DENND2B: variants seen among roughly 807,000 people sequenced by gnomAD.
DENND2B encodes the protein DENN domain-containing protein 2B.
DENND2B carries 32 observed loss-of-function variants against 116.0 expected under a neutral mutation model. That is an observed-to-expected ratio of 0.28 (90% CI 0.21 to 0.37). The LOEUF (loss-of-function observed/expected upper bound fraction) is 0.37, where lower values mean the gene tolerates loss of function less well. Ranked by LOEUF, DENND2B falls within the 10% of genes least tolerant of loss-of-function variation. DENND2B has a pLI of 1.00. For missense variants in DENND2B, 1,276 were observed against 1,477.7 expected (o/e 0.86, Z 2.24); for synonymous variants, 588 against 583.9 (o/e 1.01, Z -0.10).
rs141448856 is a variant in DENND2B at position 8,730,943 on chromosome 11, T to C, written c.347A>G (p.Glu116Gly). ...ATCCTGGGCTGCGCCTTGGACACTT[T>C]CCTTTTGGGCGTCTCTCTTGCACGC... The part of the protein sequence containing the change: ...PSACKRDAQK[E>G]SVQGAAQDVA... Residue 116 changes from glutamate (E) to glycine (G), a missense_variant, in exon 3 of 20, where the codon GAA becomes GGA. Coordinates refer to ENST00000313726, the MANE Select transcript of DENND2B (RefSeq NM_213618.2). The surrounding 1 kb of genome is among the most constrained non-coding windows in gnomAD (Gnocchi z 4.1). 5 of 1,614,064 alleles carry C rather than the reference T, an allele frequency of 3.1e-6. No individual in the cohort carries two copies. The African/African-American group carries it at 6.7e-5, about 22-fold the overall frequency.
At chr11:8,784,192 G>T (rs2058668143) in intron 1 of DENND2B, 1 of 147,080 alleles carries the variant, frequency 6.8e-6, no homozygotes, top group Non-Finnish European at 1.5e-5. Flanking sequence ...CCTCAGGATT[G>T]AACTATGATA....
chr11:8,695,207 G>C (rs1043270771), intron 19 of DENND2B, among the ~76,000 whole-genome samples: 4 of 152,178 alleles, frequency 2.6e-5, no homozygotes, highest in Non-Finnish European at 5.9e-5. Context: ...GAAGGGACTT[G>C]AGCATCTGTG....
At chr11:8,773,837 CTCTG>C (rs2057278105) in intron 1 of DENND2B, among the ~76,000 whole-genome samples, 2 of 152,090 alleles carry the variant, frequency 1.3e-5, no homozygotes, top group Non-Finnish European at 2.9e-5. Flanking sequence ...TATGGGAACT[CTCTG>C]TCTCTCTGTA....
chr11:8,706,003 G>A (rs1386870327), intron 13 of DENND2B, among the ~76,000 whole-genome samples: 3 of 152,302 alleles, frequency 2.0e-5, no homozygotes, highest in Non-Finnish European at 4.4e-5. Context: ...CCTACAGTTT[G>A]GGAGGGGGAG....
chr11:8,838,665 G>C (rs367552915), intron 4 of DENND2B, among the ~76,000 whole-genome samples: 15 of 152,196 alleles, frequency 9.9e-5, no homozygotes, highest in African/African-American at 3.6e-4. Context: ...GAGGAAAAAT[G>C]CAATCCTAAA....
chr11:8,789,831 T>G (rs2059227155), intron 1 of DENND2B, among the ~76,000 whole-genome samples: 1 of 152,176 alleles, frequency 6.6e-6, no homozygotes, highest in African/African-American at 2.4e-5. Context: ...GGCACATGCC[T>G]GTAGTCCCAG....
upstream of DENND2B, among the ~76,000 whole-genome samples, chr11:8,872,495 A>AG (rs1234939927): frequency 7.3e-5 from 11 of 151,394 alleles, no homozygotes; most frequent in Non-Finnish European, 1.5e-4. Flanking sequence ...TAAAAAAAAA[A>AG]AAAAAAAGAA....
At chr11:8,847,223 A>G (rs1374764528) in intron 3 of DENND2B, among the ~76,000 whole-genome samples, 1 of 152,200 alleles carries the variant, frequency 6.6e-6, no homozygotes, top group African/African-American at 2.4e-5. Flanking sequence ...TCTAGTGGAG[A>G]GCATTCTCCC....
At chr11:8,873,863 A>G (rs540709082), upstream of DENND2B, among the ~76,000 whole-genome samples, 1 of 152,340 alleles carries the variant, frequency 6.6e-6, no homozygotes, top group South Asian at 2.1e-4. Flanking sequence ...TGAAATCGCC[A>G]TGGAAGGATA....
At chr11:8,819,172 A>T (rs1164293289) in intron 4 of DENND2B, among the ~76,000 whole-genome samples, 1 of 152,112 alleles carries the variant, frequency 6.6e-6, no homozygotes, top group Non-Finnish European at 1.5e-5. Flanking sequence ...AGACAGGAAG[A>T]TCGCTTGAGC....
At chr11:8,838,330 G>A (rs569881207) in intron 4 of DENND2B, among the ~76,000 whole-genome samples, 2 of 152,192 alleles carry the variant, frequency 1.3e-5, no homozygotes, top group East Asian at 3.9e-4. Context: ...ATACAAATGT[G>A]CCTTGCGCAA....
rs112292066 is a variant in DENND2B at position 8,784,837 on chromosome 11, CAAA to C, written c.-26+25677_-26+25679del. Among the ~76,000 whole-genome samples the C allele has an allele frequency of 6.4e-4, 82 of 128,582 alleles. 1 individual carries two copies. Among genetic ancestry groups the C allele is most frequent in the African/African-American group, 2.1e-3 (80 of 37,950 alleles). 84.4% of individuals were successfully genotyped at this position (128,582 alleles called of 152,430 possible). A position where few individuals can be genotyped will look rare whatever the true frequency, so the allele number is the denominator to read the frequency against. ...TGGGTGACAAAGTAAGACTCCTTCT[CAAA>C]AAAAAAAAAAGAAAAGAAACAGAGT... On this transcript the variant is annotated intron_variant, in intron 1 of 19. Coordinates refer to ENST00000313726, the MANE Select transcript of DENND2B (RefSeq NM_213618.2).
chr11:8,715,492 C>A lies in DENND2B; in HGVS notation c.1845+111G>T, dbSNP rs555076818. On this transcript the variant is annotated intron_variant, in intron 6 of 19. Coordinates refer to ENST00000313726, the MANE Select transcript of DENND2B (RefSeq NM_213618.2). ...GACCCAGAATTTATTCAAAGGGAATCGAGGAAGCAGTCCAGATTAGGGAAG... is the reference window on the plus strand; with the variant it reads ...GACCCAGAATTTATTCAAAGGGAATAGAGGAAGCAGTCCAGATTAGGGAAG... 444 of 1,082,216 alleles carry A rather than the reference C, an allele frequency of 4.1e-4. 1 individual carries two copies. Among genetic ancestry groups the A allele is most frequent in the Non-Finnish European group, 5.6e-4 (419 of 742,448 alleles). The allele number at this position is 1,082,216 out of a possible 1,614,324, so 67.0% of individuals were successfully genotyped here.
At chr11:8,858,116 G>C (rs2742548) in intron 2 of DENND2B, among the ~76,000 whole-genome samples, 138,663 of 152,244 alleles carry the variant, frequency 0.91, 64,531 homozygotes, top group East Asian at 1. Context: ...TAGGACCCAG[G>C]CTGTAGTTAT....
chr11:8,765,933 G>C (rs564267647), intron 1 of DENND2B, among the ~76,000 whole-genome samples: 2 of 152,202 alleles, frequency 1.3e-5, no homozygotes, highest in African/African-American at 4.8e-5. Context: ...CAGCTACTAG[G>C]GAGGCTGAGG....
At chr11:8,808,280 G>A (rs1206160565) in intron 1 of DENND2B, 3 of 152,292 alleles carry the variant, frequency 2.0e-5, no homozygotes, top group Admixed American at 2.0e-4. Context: ...CCAGCAGGAT[G>A]AGGGAACCAG....
At chr11:8,740,822 C>T (rs2050064513) in intron 2 of DENND2B, among the ~76,000 whole-genome samples, 1 of 152,236 alleles carries the variant, frequency 6.6e-6, no homozygotes, top group Non-Finnish European at 1.5e-5. Context: ...CCTCCTGCCA[C>T]TCAGTGACTG....
chr11:8,818,913 T>C (rs2061668730), intron 4 of DENND2B, among the ~76,000 whole-genome samples: 1 of 152,212 alleles, frequency 6.6e-6, no homozygotes, highest in African/African-American at 2.4e-5. Context: ...AGATGGGGTG[T>C]GTATACAAGA....
In DENND2B at chr11:8,771,569, C is replaced by T. The variant is rs867923539; in HGVS notation, c.-25-20844G>A. 4.9e-3 allele frequency: 227 copies of T among 46,246 alleles called. 2 individuals carry two copies. The highest frequency in any genetic ancestry group is 0.029 in the African/African-American group (224 of 7,726). 2.9% of individuals were successfully genotyped at this position (46,246 alleles called of 1,614,324 possible). ...AGAGAGAGAGAGAGAGAGAGAGAGC[C>T]TTCTTCCCAGTTCTGGGCACAGCTT... On this transcript the variant is annotated intron_variant, in intron 1 of 19. Coordinates refer to ENST00000313726, the MANE Select transcript of DENND2B (RefSeq NM_213618.2).
Sources: allele counts gnomAD v4.1 joint callset (sites outside exome capture counted in the v4.1 genomes callset), GRCh38; gene constraint gnomAD v4.1.1; non-coding constraint Gnocchi (gnomAD v3.1); transcripts MANE v1.5; gene names NCBI Gene and HGNC (gene_info 2026-07-23, HGNC 2026-07-21).